The following MFN2 variants were observed in gnomAD, a reference collection of about 807,000 sequenced individuals.
The protein encoded by MFN2 is mitofusin-2.
A neutral mutation model predicts 87.5 loss-of-function variants in MFN2; 43 were observed. The ratio of observed to expected loss-of-function variants is 0.49; its 90% confidence interval spans 0.38 to 0.63. The LOEUF (loss-of-function observed/expected upper bound fraction) is 0.63, where lower values mean the gene tolerates loss of function less well. Ranked by LOEUF, MFN2 falls within the 30% of genes least tolerant of loss-of-function variation. The pLI, the probability that MFN2 is intolerant of heterozygous loss-of-function variation, is 0.00. For missense variants in MFN2, 743 were observed against 972.8 expected (o/e 0.76, Z 3.14); for synonymous variants, 337 against 359.9 (o/e 0.94, Z 0.72).
chr1:11,996,345 C>G (rs1193422744), intron 5 of MFN2, 27 bp downstream of exon 5: 1 of 1,613,506 alleles, frequency 6.2e-7, no homozygotes, highest in South Asian at 1.1e-5. Flanking sequence ...GGCTGTCAGC[C>G]CTGTGCCTGC....
At position 11,986,385 on chromosome 1, in the gene MFN2, C is replaced by T. The variant is rs144957734; in HGVS notation, c.-4-2780C>T. Among the ~76,000 whole-genome samples the T allele has an allele frequency of 3.6e-3, 553 of 152,220 alleles. 3 individuals are homozygous for T. Among genetic ancestry groups the T allele is most frequent in the African/African-American group, 0.012 (518 of 41,536 alleles). Reference sequence around the variant, plus strand: ...ATTAGGGTGGCTGGGGAGGCAGTGACAGACCCAGGCACAGTCAGCTGTGCA... The same window carrying T: ...ATTAGGGTGGCTGGGGAGGCAGTGATAGACCCAGGCACAGTCAGCTGTGCA... On this transcript the variant is annotated intron_variant, in intron 2 of 18. Coordinates refer to ENST00000235329, the MANE Select transcript of MFN2 (RefSeq NM_014874.4).
Position 12,009,572 on chromosome 1 carries a change from C to T in MFN2, c.2070-20C>T, listed in dbSNP as rs776626503. The T allele has an allele frequency of 1.6e-5, 26 of 1,614,074 alleles. No individual in the cohort carries two copies. The highest frequency in any genetic ancestry group is 4.4e-5 in the South Asian group (4 of 91,090). ...CTTGCTCCACACACCCCAACTGGGT[C>T]CCTTCTCTCTCCTCCCCAGGGAACT... On this transcript the variant is annotated intron_variant, in intron 17 of 18. Transcript: ENST00000235329.
chr1:12,005,404 A>G (rs1009278166), intron 14 of MFN2, among the ~76,000 whole-genome samples: 1 of 152,228 alleles, frequency 6.6e-6, no homozygotes, highest in Non-Finnish European at 1.5e-5. Context: ...TTCTGTACAC[A>G]GGGTTGGGGA....
intron 15 of MFN2, 50 bp from the exon 16 acceptor site, chr1:12,006,488 A>G: frequency 1.9e-6 from 3 of 1,608,994 alleles, no homozygotes; most frequent in Non-Finnish European, 2.5e-6. Flanking sequence ...GTTCACGTGA[A>G]TGAGAGACTC....
chr1:11,982,234 T>A (rs912810061), intron 2 of MFN2, 120 bp downstream of exon 2: 14 of 152,204 alleles, frequency 9.2e-5, no homozygotes, highest in African/African-American at 3.4e-4. Context: ...GAGCCACAGC[T>A]TTCTAACTTG....
intron 3 of MFN2, among the ~76,000 whole-genome samples, chr1:11,990,179 C>G (rs968350358): frequency 1.3e-5 from 2 of 152,164 alleles, no homozygotes; most frequent in Admixed American, 1.3e-4. Flanking sequence ...ATTCTGCTTT[C>G]AAATAGAGCA....
chr1:11,998,964 A>T (rs1396034910), intron 7 of MFN2, 24 bp from the exon 8 acceptor site: 1 of 1,613,558 alleles, frequency 6.2e-7, no homozygotes, highest in Non-Finnish European at 8.5e-7. Context: ...CTCCTGCTCC[A>T]CCGAGGTCTT....
rs1052938034 is a variant in MFN2 at position 12,012,431 on chromosome 1, G to C, written c.*866G>C. 6.5e-5 allele frequency: 10 copies of C among 152,716 alleles called. No individual in the cohort carries two copies. The East Asian group carries it at 1.5e-3, about 23-fold the overall frequency. The allele number at this position is 152,716 out of a possible 1,614,324, so 9.5% of individuals were successfully genotyped here. A position where few individuals can be genotyped will look rare whatever the true frequency, so the allele number is the denominator to read the frequency against. ...GTAGAAGGATGGATGGTGGAAGGTGGGGACGTTGGTGGCTGGCTGAGGTGC... is the reference window on the plus strand; with the variant it reads ...GTAGAAGGATGGATGGTGGAAGGTGCGGACGTTGGTGGCTGGCTGAGGTGC... On this transcript the variant is annotated 3_prime_UTR_variant, in exon 19 of 19. Coordinates refer to ENST00000235329, the MANE Select transcript of MFN2 (RefSeq NM_014874.4).
rs763007983 is a variant in MFN2, at chr1:11,997,298, CTG to C, written c.479_480del (p.Val160GlufsTer27). The C allele has an allele frequency of 1.2e-6, 2 of 1,614,156 alleles. No individual in the cohort carries two copies. The highest frequency in any genetic ancestry group is 8.5e-7 in the Non-Finnish European group (1 of 1,180,020). On this transcript the variant is annotated frameshift_variant and splice_region_variant, in exon 6 of 19. Transcript: ENST00000235329. LOFTEE classifies it high-confidence loss of function. The stretch of plus-strand genomic sequence containing the variant: ...TTTCTTTCCTTCCTCTGCCATCAGA[CTG>C]TGAACCAGCTGGCCCATGCCCTCCA...
Position 12,002,135 on chromosome 1 carries a change from G to A in MFN2, c.1160+32G>A, listed in dbSNP as rs527841384. ...GTCCAAGACTGCAGATAGGTGGAGA[G>A]AGCTGCCGAGACAAGGGTGCTCCAC... On this transcript the variant is annotated intron_variant, in intron 11 of 18. Coordinates refer to ENST00000235329, the MANE Select transcript of MFN2 (RefSeq NM_014874.4). The A allele has an allele frequency of 5.0e-6, 8 of 1,613,054 alleles. No homozygotes were observed. In the Admixed American group the frequency reaches 6.7e-5, roughly 13 times the overall value.
Position 11,996,309 on chromosome 1 carries a change from G to A in MFN2, c.465G>A (p.Arg155=), listed in dbSNP as rs1481321601. 1 of 1,614,112 alleles carries A rather than the reference G, an allele frequency of 6.2e-7. No individual in the cohort carries two copies. Among genetic ancestry groups the A allele is most frequent in the Admixed American group, 1.7e-5 (1 of 60,030 alleles). The change falls in exon 5 of 19, where the codon AGG becomes AGA. Residue 155 remains arginine, a synonymous_variant. Coordinates refer to ENST00000235329, the MANE Select transcript of MFN2 (RefSeq NM_014874.4). ...FLLTEGSEEK[R]SAKTVNQLAH... is the part of the protein sequence containing the mutation. ...TTACCGAGGGCTCAGAGGAAAAGAG[G>A]AGTGCCAAGGTGAGGGTGCCAGGCT...
At chr1:11,992,203 TTG>T in intron 3 of MFN2, 1 of 293,416 alleles carries the variant, frequency 3.4e-6, no homozygotes, top group Non-Finnish European at 6.6e-6. Context: ...TTCACAGCAT[TTG>T]TGTTTCAATT....
chr1:11,990,399 C>T (rs1009676122), intron 3 of MFN2, among the ~76,000 whole-genome samples: 8 of 152,176 alleles, frequency 5.3e-5, no homozygotes, highest in African/African-American at 1.9e-4. Context: ...AACTCATTGC[C>T]TGTTTATCAG....
At position 11,992,355 on chromosome 1, in the gene MFN2, G is replaced by T. The variant is rs116722569; in HGVS notation, c.176-200G>T. ...TGGTAAGAACCAGCTTCAGAACCAGGCAGTGTTGCTCCTGAGCCATCTTCT... is the reference window on the plus strand; with the variant it reads ...TGGTAAGAACCAGCTTCAGAACCAGTCAGTGTTGCTCCTGAGCCATCTTCT... On this transcript the variant is annotated intron_variant, in intron 3 of 18. Coordinates refer to ENST00000235329, the MANE Select transcript of MFN2 (RefSeq NM_014874.4). 2.8e-3 allele frequency: 1,813 copies of T among 653,304 alleles called. 19 individuals are homozygous for T. The African/African-American group carries it at 0.029, about 10-fold the overall frequency. The allele number at this position is 653,304 out of a possible 1,614,324, so 40.5% of individuals were successfully genotyped here.
Position 12,001,474 on chromosome 1 carries a change from C to T in MFN2, c.890C>T (p.Ala297Val). 1 of 1,614,094 alleles carries T rather than the reference C, an allele frequency of 6.2e-7. No individual in the cohort carries two copies. Among genetic ancestry groups the T allele is most frequent in the Non-Finnish European group, 8.5e-7 (1 of 1,180,010 alleles). The part of the protein sequence containing the change: ...DELGVVDRSQ[A>V]GDRIFFVSAK... ...CTGGGCGTGGTGGATCGATCCCAGG[C>T]CGGGGACCGCATCTTCTTTGTGTCT... The change falls in exon 9 of 19, where the codon GCC becomes GTC. Residue 297 changes from alanine (A) to valine (V), a missense_variant. Physicochemically the swap from Ala to Val is moderately conservative, Grantham distance 64 (BLOSUM62 0). This residue lies in a region of MFN2 where 571 missense variants were observed against 670.7 expected (regional missense o/e 0.85). Transcript: ENST00000235329.
intron 11 of MFN2, among the ~76,000 whole-genome samples, chr1:12,002,604 CTG>C (rs1639228741): frequency 6.6e-6 from 1 of 152,220 alleles, no homozygotes; most frequent in Admixed American, 6.5e-5. Context: ...AGGAGGATCA[CTG>C]GAGCCCAGGA....
In MFN2 at chr1:12,003,948, A is replaced by C. The variant is rs1639290391; in HGVS notation, c.1161-44A>C. The C allele has an allele frequency of 2.5e-6, 4 of 1,613,440 alleles. No homozygotes were observed. The highest frequency in any genetic ancestry group is 3.4e-6 in the Non-Finnish European group (4 of 1,179,626). On this transcript the variant is annotated intron_variant, in intron 11 of 18. Transcript: ENST00000235329. The surrounding 1 kb of genome is among the most constrained non-coding windows in gnomAD (Gnocchi z 4.1). ...GGCATCCCCTCTTGCTCCTCTGCTT[A>C]GTCAGACAGGAACATGGATTTCTCA...
chr1:11,992,437 AG>A lies in MFN2; in HGVS notation c.176-115del, dbSNP rs1381846835. 5 of 1,274,532 alleles carry A rather than the reference AG, an allele frequency of 3.9e-6. No homozygotes were observed. The Admixed American group carries it at 8.5e-5, about 22-fold the overall frequency. The allele number at this position is 1,274,532 out of a possible 1,614,324, so 79.0% of individuals were successfully genotyped here. The stretch of plus-strand genomic sequence containing the variant: ...ATCTGGAGCTCAGCCTGTCGGCTGC[AG>A]GGTGCCAGAGGTGGACTCGTTTAGG... On this transcript the variant is annotated intron_variant, in intron 3 of 18. Transcript: ENST00000235329.
intron 2 of MFN2, among the ~76,000 whole-genome samples, chr1:11,988,084 T>TG (rs1553140706): frequency 3.6e-4 from 52 of 144,330 alleles, no homozygotes; most frequent in Admixed American, 1.4e-3. Context: ...CCAATAGTTT[T>TG]TGTGTGTGTG....
Sources: allele counts gnomAD v4.1 joint callset (sites outside exome capture counted in the v4.1 genomes callset), GRCh38; gene constraint gnomAD v4.1.1; regional missense constraint gnomAD v4.1.1; non-coding constraint Gnocchi (gnomAD v3.1); transcripts MANE v1.5; gene names NCBI Gene and HGNC (gene_info 2026-07-23, HGNC 2026-07-21).